TENM4: variants seen among roughly 807,000 people sequenced by gnomAD.
The protein encoded by TENM4 is teneurin-4.
A neutral mutation model predicts 243.3 loss-of-function variants in TENM4; 82 were observed. The observed-to-expected ratio is 0.34, with a 90% CI of 0.28 to 0.40. The LOEUF is 0.40. Among genes scored for constraint, TENM4 ranks in the 10% least tolerant of loss-of-function variants. The pLI, the probability that TENM4 is intolerant of heterozygous loss-of-function variation, is 1.00. For missense variants in TENM4, 3,138 were observed against 3,673.3 expected (o/e 0.85, Z 3.77); for synonymous variants, 1,412 against 1,456.3 (o/e 0.97, Z 0.69).
chr11:79,384,341 G>A (rs942512639), intron 1 of TENM4, among the ~76,000 whole-genome samples: 5 of 152,190 alleles, frequency 3.3e-5, no homozygotes, highest in Admixed American at 1.3e-4. Flanking sequence ...TGGAGCACCT[G>A]GTCTGCGTCC....
At chr11:78,763,994 G>C (rs1016852769) in intron 18 of TENM4, among the ~76,000 whole-genome samples, 4 of 152,178 alleles carry the variant, frequency 2.6e-5, no homozygotes, top group Non-Finnish European at 5.9e-5. Flanking sequence ...CTTAATGGTG[G>C]CCAGTGACTG....
At chr11:79,047,136 G>A (rs373198431) in intron 6 of TENM4, among the ~76,000 whole-genome samples, 10 of 152,252 alleles carry the variant, frequency 6.6e-5, no homozygotes, top group African/African-American at 2.4e-4. Flanking sequence ...GGCAAAACCC[G>A]CAATTACTTT....
rs894570093 is a variant in TENM4, at chr11:78,654,808, G to C, written c.*3250C>G. 3 of 152,142 alleles carry C rather than the reference G, an allele frequency of 2.0e-5. No individual in the cohort carries two copies. The highest frequency in any genetic ancestry group is 7.2e-5 in the African/African-American group (3 of 41,410). 9.4% of individuals were successfully genotyped at this position (152,142 alleles called of 1,614,324 possible). ...CCAGCAATGTCTGTTTGGGGTGTGGGGGGGTGGGATAAAAAGGAAATCTCA... is the reference window on the plus strand; with the variant it reads ...CCAGCAATGTCTGTTTGGGGTGTGGCGGGGTGGGATAAAAAGGAAATCTCA... On this transcript the variant is annotated 3_prime_UTR_variant, in exon 34 of 34. Transcript: ENST00000278550.
intron 1 of TENM4, among the ~76,000 whole-genome samples, chr11:79,366,256 GA>G (rs1857675314): frequency 6.6e-6 from 1 of 152,186 alleles, no homozygotes; most frequent in Non-Finnish European, 1.5e-5. Context: ...CCTTCTCCAA[GA>G]CTCTTCTCAG....
chr11:78,823,512 G>A (rs901471761), intron 12 of TENM4, among the ~76,000 whole-genome samples: 1 of 152,196 alleles, frequency 6.6e-6, no homozygotes, highest in Non-Finnish European at 1.5e-5. Flanking sequence ...AGGAAGAGAC[G>A]GGCTGGTGAG....
At chr11:79,093,450 T>A (rs1037731710) in intron 4 of TENM4, 33 of 152,278 alleles carry the variant, frequency 2.2e-4, no homozygotes, top group African/African-American at 7.5e-4. Flanking sequence ...CCCTTTCTAC[T>A]TCCCCCATTC....
At chr11:78,879,523 AGCGCCTCT>A (rs1347286957) in intron 9 of TENM4, among the ~76,000 whole-genome samples, 1 of 126,084 alleles carries the variant, frequency 7.9e-6, no homozygotes. Context: ...GGAACTGAGG[AGCGCCTCT>A]GCACGGCCGC....
chr11:79,312,711 A>G (rs1205494743), intron 1 of TENM4, among the ~76,000 whole-genome samples: 1 of 152,132 alleles, frequency 6.6e-6, no homozygotes, highest in Admixed American at 6.6e-5. Flanking sequence ...CTCAATTAGC[A>G]TGTGTTCCCA....
At chr11:79,035,899 T>C (rs748863850) in intron 6 of TENM4, among the ~76,000 whole-genome samples, 9 of 152,222 alleles carry the variant, frequency 5.9e-5, no homozygotes, top group Non-Finnish European at 1.0e-4. Flanking sequence ...AATGTTGTAT[T>C]TACAGACATT....
At chr11:78,848,683 G>T (rs920944524) in intron 12 of TENM4, among the ~76,000 whole-genome samples, 4 of 151,992 alleles carry the variant, frequency 2.6e-5, no homozygotes, top group Non-Finnish European at 4.4e-5. Context: ...CTTTTCCTTG[G>T]CTTAGAGCTG....
chr11:78,779,280 C>T (rs1331591161), intron 16 of TENM4, among the ~76,000 whole-genome samples: 1 of 152,198 alleles, frequency 6.6e-6, no homozygotes, highest in Non-Finnish European at 1.5e-5. Context: ...TGCATTCCTC[C>T]TTTGTGCATC....
At position 78,957,462 on chromosome 11, in the gene TENM4, C is replaced by G. The variant is rs1160548789; in HGVS notation, c.494-53939G>C. Among the ~76,000 whole-genome samples the G allele has an allele frequency of 3.9e-5, 6 of 152,208 alleles. No homozygotes were observed. The East Asian group carries it at 9.6e-4, about 24-fold the overall frequency. On this transcript the variant is annotated intron_variant, in intron 6 of 33. Coordinates refer to ENST00000278550, the MANE Select transcript of TENM4 (RefSeq NM_001098816.3). ...TTAAAAGGACCTTGGTTGACACCCC[C>G]AGGGACTCTGAATAGGTTCTCAATT...
At chr11:78,841,403 C>T (rs545376375) in intron 12 of TENM4, among the ~76,000 whole-genome samples, 10 of 152,306 alleles carry the variant, frequency 6.6e-5, no homozygotes, top group African/African-American at 2.4e-4. Context: ...ACAATTTAGG[C>T]CATAAGTGGG....
chr11:78,926,058 G>A (rs950033460), intron 6 of TENM4, among the ~76,000 whole-genome samples: 4 of 151,916 alleles, frequency 2.6e-5, no homozygotes, highest in Non-Finnish European at 5.9e-5. Context: ...GAGTTCTATC[G>A]GGGAGGGAAA....
chr11:79,008,860 G>C (rs1858566610), intron 6 of TENM4, among the ~76,000 whole-genome samples: 1 of 152,170 alleles, frequency 6.6e-6, no homozygotes, highest in Non-Finnish European at 1.5e-5. Context: ...AAGGTGATCA[G>C]TTCACATTTC....
intron 6 of TENM4, among the ~76,000 whole-genome samples, chr11:79,015,782 A>G (rs930717439): frequency 1.3e-5 from 2 of 152,186 alleles, no homozygotes; most frequent in Admixed American, 1.3e-4. Flanking sequence ...GAGATAGACA[A>G]TAAACACAAA....
chr11:79,382,076 A>G (rs1858015940), intron 1 of TENM4, among the ~76,000 whole-genome samples: 4 of 152,218 alleles, frequency 2.6e-5, no homozygotes, highest in Admixed American at 2.6e-4. Flanking sequence ...CTCAACTTAG[A>G]CATAATTACA....
chr11:78,864,362 A>G, intron 9 of TENM4, among the ~76,000 whole-genome samples: 1 of 123,636 alleles, frequency 8.1e-6, no homozygotes, highest in African/African-American at 3.2e-5. Flanking sequence ...TGAACCTGGG[A>G]GGCGGAGCTT....
chr11:78,829,009 T>G (rs1857919091), intron 12 of TENM4, among the ~76,000 whole-genome samples: 1 of 151,812 alleles, frequency 6.6e-6, no homozygotes, highest in Non-Finnish European at 1.5e-5. Context: ...CAGTGGGAGG[T>G]TTGGAAGTGG....
Sources: allele counts gnomAD v4.1 joint callset (sites outside exome capture counted in the v4.1 genomes callset), GRCh38; gene constraint gnomAD v4.1.1; transcripts MANE v1.5; gene names NCBI Gene and HGNC (gene_info 2026-07-23, HGNC 2026-07-21).